XKR4: variants seen among roughly 807,000 people sequenced by gnomAD.
XKR4 encodes the protein XK related 4, also known as XK-related protein 4.
XKR4 carries 12 observed loss-of-function variants against 53.9 expected under a neutral mutation model. That is an observed-to-expected ratio of 0.22 (90% CI 0.14 to 0.36). The LOEUF (loss-of-function observed/expected upper bound fraction) is 0.36, where lower values mean the gene tolerates loss of function less well. Ranked by LOEUF, XKR4 falls within the 10% of genes least tolerant of loss-of-function variation. The pLI, the probability that XKR4 is intolerant of heterozygous loss-of-function variation, is 1.00. For synonymous variants in XKR4, 354 were observed against 362.4 expected (o/e 0.98, Z 0.26); for missense variants, 799 against 859.5 (o/e 0.93, Z 0.88).
chr8:55,103,574 G>T (rs1297713857), intron 1 of XKR4, among the ~76,000 whole-genome samples: 1 of 151,806 alleles, frequency 6.6e-6, no homozygotes, highest in Non-Finnish European at 1.5e-5. Context: ...CTTGCTCTTG[G>T]CATGCCACAA....
At chr8:55,412,687 A>G (rs1697518855) in intron 2 of XKR4, among the ~76,000 whole-genome samples, 1 of 152,248 alleles carries the variant, frequency 6.6e-6, no homozygotes, top group African/African-American at 2.4e-5. Flanking sequence ...AGTCAGCCTG[A>G]TTCAAATAGG....
chr8:55,442,613 T>C (rs571756903), intron 2 of XKR4, among the ~76,000 whole-genome samples: 1 of 152,322 alleles, frequency 6.6e-6, no homozygotes, highest in Admixed American at 6.5e-5. Context: ...TCAAACATAG[T>C]ATAGCCATGC....
chr8:55,418,289 CA>C (rs1264095420), intron 2 of XKR4, among the ~76,000 whole-genome samples: 2 of 152,210 alleles, frequency 1.3e-5, no homozygotes, highest in Non-Finnish European at 2.9e-5. Flanking sequence ...GCAGCAACAG[CA>C]TTTCAAGCCT....
intron 1 of XKR4, among the ~76,000 whole-genome samples, chr8:55,113,143 A>G (rs1371167823): frequency 1.3e-5 from 2 of 152,182 alleles, no homozygotes; most frequent in Non-Finnish European, 2.9e-5. Context: ...ATTTAAGGAT[A>G]TAATATCTAC....
intron 1 of XKR4, among the ~76,000 whole-genome samples, chr8:55,214,906 A>T (rs1817780229): frequency 6.6e-6 from 1 of 152,236 alleles, no homozygotes; most frequent in Admixed American, 6.5e-5. Context: ...TGAAATACAC[A>T]TATAAAAGAA....
chr8:55,269,640 C>T (rs1051287013), intron 1 of XKR4, among the ~76,000 whole-genome samples: 1 of 152,102 alleles, frequency 6.6e-6, no homozygotes, highest in Admixed American at 6.6e-5. Context: ...TAAATAACAG[C>T]TCAGAGCCAA....
At chr8:55,210,245 T>C (rs1192707175) in intron 1 of XKR4, among the ~76,000 whole-genome samples, 1 of 151,918 alleles carries the variant, frequency 6.6e-6, no homozygotes, top group Non-Finnish European at 1.5e-5. Context: ...CCACCACGCC[T>C]GGCTAATTTT....
At chr8:55,239,199 G>A (rs905131837) in intron 1 of XKR4, among the ~76,000 whole-genome samples, 11 of 152,160 alleles carry the variant, frequency 7.2e-5, no homozygotes, top group Non-Finnish European at 8.8e-5. Flanking sequence ...ATTGGAACCT[G>A]GAAAACACTA....
intron 2 of XKR4, among the ~76,000 whole-genome samples, chr8:55,398,307 C>T (rs923862261): frequency 5.9e-5 from 9 of 152,198 alleles, no homozygotes; most frequent in Non-Finnish European, 1.2e-4. Context: ...CCTCGCCATG[C>T]ACCTTTGCCC....
At chr8:55,274,643 G>A (rs1818739713) in intron 1 of XKR4, among the ~76,000 whole-genome samples, 1 of 152,088 alleles carries the variant, frequency 6.6e-6, no homozygotes, top group Admixed American at 6.6e-5. Flanking sequence ...ATGTTGACTA[G>A]GCTGGTCTCG....
intron 1 of XKR4, among the ~76,000 whole-genome samples, chr8:55,215,554 T>A (rs901433729): frequency 6.6e-6 from 1 of 152,148 alleles, no homozygotes; most frequent in Non-Finnish European, 1.5e-5. Flanking sequence ...AACACAAGAA[T>A]AATTTAATGT....
intron 1 of XKR4, among the ~76,000 whole-genome samples, chr8:55,249,207 A>G (rs147686496): frequency 6.6e-6 from 1 of 152,206 alleles, no homozygotes; most frequent in African/African-American, 2.4e-5. Context: ...ATTCAAGGAC[A>G]CGAATATAAA....
intron 1 of XKR4, among the ~76,000 whole-genome samples, chr8:55,289,621 G>GAA (rs1456893156): frequency 9.1e-6 from 1 of 109,572 alleles, no homozygotes; most frequent in South Asian, 3.0e-4. Flanking sequence ...AAGAAAGAAA[G>GAA]AAAGAAAGAA....
intron 1 of XKR4, among the ~76,000 whole-genome samples, chr8:55,226,427 C>T (rs531123775): frequency 6.8e-4 from 103 of 152,292 alleles, no homozygotes; most frequent in South Asian, 5.8e-3. Context: ...TTTCACACTG[C>T]CTGTGACCTA....
chr8:55,308,701 C>T (rs1210712633), intron 1 of XKR4, among the ~76,000 whole-genome samples: 2 of 152,082 alleles, frequency 1.3e-5, no homozygotes, highest in Admixed American at 6.5e-5. Flanking sequence ...AAATCCTGTA[C>T]CTGAATGTTC....
intron 1 of XKR4, among the ~76,000 whole-genome samples, chr8:55,302,288 CA>C (rs1563319543): frequency 6.6e-6 from 1 of 152,202 alleles, no homozygotes; most frequent in East Asian, 1.9e-4. Flanking sequence ...TCAGGTTTGT[CA>C]AAGATCAGAT....
chr8:55,198,226 G>A (rs1235381705), intron 1 of XKR4, among the ~76,000 whole-genome samples: 1 of 152,138 alleles, frequency 6.6e-6, no homozygotes. Context: ...TAATATCTGC[G>A]CTACCCTGAT....
intron 1 of XKR4, among the ~76,000 whole-genome samples, chr8:55,219,069 G>GA (rs1272903489): frequency 1.3e-5 from 2 of 148,582 alleles, no homozygotes; most frequent in African/African-American, 4.9e-5. Context: ...ATAAACGTCT[G>GA]AAAAAAAGGA....
At chr8:55,473,356 C>A (rs915259891) in intron 2 of XKR4, among the ~76,000 whole-genome samples, 1 of 152,082 alleles carries the variant, frequency 6.6e-6, no homozygotes, top group African/African-American at 2.4e-5. Context: ...AGTCACAAAG[C>A]AACAACCCTA....
Sources: allele counts gnomAD v4.1 joint callset (sites outside exome capture counted in the v4.1 genomes callset), GRCh38; gene constraint gnomAD v4.1.1; transcripts MANE v1.5; gene names NCBI Gene and HGNC (gene_info 2026-07-23, HGNC 2026-07-21).